The following ST18 variants were observed in gnomAD, a reference collection of about 807,000 sequenced individuals.
The protein encoded by ST18 is ST18 C2H2C-type zinc finger transcription factor, also known as suppression of tumorigenicity 18 protein.
In ST18, 50 loss-of-function variants were observed where a neutral mutation model predicts 110.0. That is an observed-to-expected ratio of 0.45 (90% CI 0.36 to 0.58). The LOEUF (loss-of-function observed/expected upper bound fraction) is 0.58, where lower values mean the gene tolerates loss of function less well. Ranked by LOEUF, ST18 falls within the 20% of genes least tolerant of loss-of-function variation. ST18 has a pLI of 0.00. For synonymous variants in ST18, 461 were observed against 452.4 expected (o/e 1.02, Z -0.24); for missense variants, 1,306 against 1,280.1 (o/e 1.02, Z -0.31).
rs192624702 is a variant in ST18 at position 52,121,307 on chromosome 8, G to T, written c.2756-2866C>A. ...GAAACATTGTCATGGGATCTAATAC[G>T]TAACAGGCTCCCTTTACATGCTCAG... On this transcript the variant is annotated intron_variant, in intron 23 of 25. Coordinates refer to ENST00000689386, the MANE Select transcript of ST18 (RefSeq NM_001352837.2). Among the ~76,000 whole-genome samples the T allele has an allele frequency of 1.2e-4, 18 of 152,264 alleles. No individual in the cohort carries two copies. The East Asian group carries it at 3.3e-3, about 28-fold the overall frequency.
At chr8:52,309,628 G>A (rs1431079572) in intron 2 of ST18, among the ~76,000 whole-genome samples, 2 of 150,728 alleles carry the variant, frequency 1.3e-5, no homozygotes, top group African/African-American at 4.9e-5. Context: ...TAAGCAGTGA[G>A]ATTATTTAAA....
intron 13 of ST18, among the ~76,000 whole-genome samples, chr8:52,163,072 A>G (rs2133270719): frequency 6.6e-6 from 1 of 152,356 alleles, no homozygotes; most frequent in Admixed American, 6.5e-5. Flanking sequence ...TTTGCTAACT[A>G]ACTTACTTGG....
chr8:52,135,568 C>CAAAAAAAAAAAAAAAAAAAAAAAAAAA (rs71252929), intron 19 of ST18, among the ~76,000 whole-genome samples: 2 of 56,160 alleles, frequency 3.6e-5, no homozygotes, highest in Non-Finnish European at 7.4e-5. Context: ...AACTCCATCT[C>CAAAAAAAAAAAAAAAAAAAAAAAAAAA]AAAAAAAAAA....
chr8:52,285,401 G>T (rs534067663), intron 2 of ST18, among the ~76,000 whole-genome samples: 3 of 152,270 alleles, frequency 2.0e-5, no homozygotes, highest in South Asian at 2.1e-4. Context: ...CTGTTGCTGA[G>T]AAAACTGTCT....
intron 22 of ST18, 122 bp from the exon 23 acceptor site, chr8:52,126,262 A>G: frequency 3.2e-6 from 3 of 929,882 alleles, no homozygotes; most frequent in Non-Finnish European, 4.8e-6. Flanking sequence ...TATAACCCAC[A>G]GTCTCTTTGT....
intron 2 of ST18, among the ~76,000 whole-genome samples, chr8:52,399,382 C>T (rs930987364): frequency 6.6e-6 from 1 of 150,696 alleles, no homozygotes; most frequent in Non-Finnish European, 1.5e-5. Context: ...TTTCAAGGAG[C>T]CAATTCTTTG....
intron 2 of ST18, among the ~76,000 whole-genome samples, chr8:52,378,186 A>T (rs1298814525): frequency 6.6e-6 from 1 of 152,184 alleles, no homozygotes; most frequent in African/African-American, 2.4e-5. Context: ...ATTTAGTAGC[A>T]AAGTAGGGTG....
intron 2 of ST18, among the ~76,000 whole-genome samples, chr8:52,284,565 C>G (rs1325859014): frequency 6.6e-6 from 1 of 152,082 alleles, no homozygotes; most frequent in Non-Finnish European, 1.5e-5. Flanking sequence ...ATACCTGTCC[C>G]ACCAGGGTGG....
chr8:52,150,017 TGCAGTTA>T (rs1231663893), intron 15 of ST18, 40 bp from the exon 16 acceptor site: 2 of 1,587,290 alleles, frequency 1.3e-6, no homozygotes, highest in Non-Finnish European at 1.7e-6. Flanking sequence ...TTAAGCAGTT[TGCAGTTA>T]CAGCCTAGCC....
At chr8:52,276,942 T>A (rs2095279670) in intron 2 of ST18, among the ~76,000 whole-genome samples, 1 of 152,240 alleles carries the variant, frequency 6.6e-6, no homozygotes, top group African/African-American at 2.4e-5. Context: ...AATTTTTGTA[T>A]TTTTAGTAGA....
At chr8:52,316,578 ATTTTGGT>A (rs2096031237) in intron 2 of ST18, among the ~76,000 whole-genome samples, 1 of 152,182 alleles carries the variant, frequency 6.6e-6, no homozygotes, top group African/African-American at 2.4e-5. Flanking sequence ...GATGATGGTT[ATTTTGGT>A]TGGGTGTTAC....
At chr8:52,271,793 G>A (rs2095085074) in intron 2 of ST18, among the ~76,000 whole-genome samples, 1 of 152,220 alleles carries the variant, frequency 6.6e-6, no homozygotes, top group African/African-American at 2.4e-5. Context: ...ACAAATGTTT[G>A]TGGATTACAC....
chr8:52,222,340 G>A (rs1430866508), intron 3 of ST18, among the ~76,000 whole-genome samples: 3 of 152,094 alleles, frequency 2.0e-5, no homozygotes, highest in Non-Finnish European at 4.4e-5. Context: ...ACTTTCTTCA[G>A]TGGTTAGTTG....
intron 22 of ST18, among the ~76,000 whole-genome samples, chr8:52,130,557 G>A (rs2049165208): frequency 6.6e-6 from 1 of 152,328 alleles, no homozygotes; most frequent in East Asian, 1.9e-4. Context: ...AGATCTCCGG[G>A]TTCTCATATG....
At chr8:52,198,787 A>G (rs2076998306) in intron 8 of ST18, among the ~76,000 whole-genome samples, 1 of 152,262 alleles carries the variant, frequency 6.6e-6, no homozygotes, top group Admixed American at 6.5e-5. Context: ...AAATAACCTG[A>G]TAGAGAAGCA....
intron 8 of ST18, among the ~76,000 whole-genome samples, chr8:52,186,444 T>G (rs544028640): frequency 6.6e-6 from 1 of 152,168 alleles, no homozygotes; most frequent in Admixed American, 6.5e-5. Context: ...CTCAGGCAAC[T>G]GGAACGCTCA....
intron 2 of ST18, chr8:52,408,842 A>C (rs1255486359): frequency 6.6e-6 from 1 of 152,250 alleles, no homozygotes; most frequent in African/African-American, 2.4e-5. Flanking sequence ...CTATAGCGAC[A>C]AATGGTTCAA....
chr8:52,404,472 G>C (rs1205707989), intron 2 of ST18: 2 of 152,190 alleles, frequency 1.3e-5, no homozygotes, highest in African/African-American at 2.4e-5. Context: ...ACAGACCTAA[G>C]ATTTAAGAGA....
At chr8:52,400,312 G>T (rs1054044291) in intron 2 of ST18, among the ~76,000 whole-genome samples, 6 of 152,126 alleles carry the variant, frequency 3.9e-5, no homozygotes, top group South Asian at 2.1e-4. Flanking sequence ...GCTACAATGG[G>T]TCTCTTGTAG....
Sources: gnomAD v4.1 joint callset for allele counts (sites outside exome capture counted in the v4.1 genomes callset) on GRCh38, gnomAD v4.1.1 for gene constraint, MANE v1.5 for transcripts, NCBI Gene and HGNC (gene_info 2026-07-23, HGNC 2026-07-21) for gene names.